CA10: variants seen among roughly 807,000 people sequenced by gnomAD.
CA10 encodes carbonic anhydrase-related protein 10.
Under a neutral mutation model 44.2 loss-of-function variants are expected in CA10, and 14 were observed. The observed-to-expected ratio is 0.32, with a 90% CI of 0.21 to 0.50. The LOEUF is 0.50. Ranked by LOEUF, CA10 falls within the 20% of genes least tolerant of loss-of-function variation. The pLI is 0.99. For missense variants in CA10, 350 were observed against 409.7 expected (o/e 0.85, Z 1.26); for synonymous variants, 159 against 141.6 (o/e 1.12, Z -0.87).
intron 3 of CA10, among the ~76,000 whole-genome samples, chr17:51,869,610 C>A (rs1979713502): frequency 1.3e-5 from 2 of 152,248 alleles, no homozygotes; most frequent in South Asian, 4.1e-4. Context: ...GAATGAGGCA[C>A]GGAGTGAAAG....
chr17:51,996,382 C>T (rs113750577), intron 2 of CA10, among the ~76,000 whole-genome samples: 11 of 151,990 alleles, frequency 7.2e-5, no homozygotes, highest in Non-Finnish European at 1.5e-5. Context: ...CTAGCCTAGA[C>T]AATTACAATC....
chr17:52,036,868 T>C (rs1437243921), intron 2 of CA10, among the ~76,000 whole-genome samples: 2 of 152,174 alleles, frequency 1.3e-5, no homozygotes, highest in African/African-American at 4.8e-5. Context: ...TATCAGAGCA[T>C]GATACATTCA....
chr17:52,143,312 T>A (rs1359105926), intron 1 of CA10, among the ~76,000 whole-genome samples: 1 of 152,124 alleles, frequency 6.6e-6, no homozygotes, highest in African/African-American at 2.4e-5. Flanking sequence ...CCACACACAA[T>A]AATGTGATAT....
intron 2 of CA10, among the ~76,000 whole-genome samples, chr17:51,960,517 T>C (rs1983848731): frequency 6.6e-6 from 1 of 152,132 alleles, no homozygotes; most frequent in Non-Finnish European, 1.5e-5. Context: ...ACAAACACTT[T>C]ACATATAGAA....
chr17:52,080,475 A>AAT (rs1441988796), intron 1 of CA10, among the ~76,000 whole-genome samples: 21 of 148,206 alleles, frequency 1.4e-4, no homozygotes, highest in Non-Finnish European at 3.0e-5. Context: ...TAAATAAATA[A>AAT]ATAAATAAAT....
At chr17:51,761,912 C>T (rs899439399) in intron 3 of CA10, 1 of 152,076 alleles carries the variant, frequency 6.6e-6, no homozygotes, top group Non-Finnish European at 1.5e-5. Flanking sequence ...GAGGTGTGAC[C>T]ATAGAAAAAG....
Position 51,948,622 on chromosome 17 carries a change from C to A in CA10, c.137-17490G>T, listed in dbSNP as rs140121335. 1.2e-3 allele frequency among the ~76,000 whole-genome samples: 186 copies of A among 152,268 alleles called. 5 individuals carry two copies. In the South Asian group the frequency reaches 0.023, roughly 19 times the overall value. The stretch of plus-strand genomic sequence containing the variant: ...TTCCCAGTCCCTTCTCCTTATTCTG[C>A]CGTCCCTGAAGTGGTAGTTGGTTCC... On this transcript the variant is annotated intron_variant, in intron 2 of 8. Coordinates refer to ENST00000451037, the MANE Select transcript of CA10 (RefSeq NM_020178.5).
intron 3 of CA10, among the ~76,000 whole-genome samples, chr17:51,758,018 T>C (rs967350851): frequency 2.0e-5 from 3 of 152,090 alleles, no homozygotes; most frequent in Non-Finnish European, 2.9e-5. Context: ...ATTGGTGGGA[T>C]TGGGTAGGAG....
At chr17:52,040,076 G>A (rs1027748109) in intron 2 of CA10, among the ~76,000 whole-genome samples, 11 of 151,850 alleles carry the variant, frequency 7.2e-5, no homozygotes, top group Admixed American at 7.2e-4. Flanking sequence ...ATCAGTTGGA[G>A]ATGATATAGC....
chr17:51,755,173 C>T (rs1001094710), intron 3 of CA10, among the ~76,000 whole-genome samples: 1 of 152,132 alleles, frequency 6.6e-6, no homozygotes, highest in African/African-American at 2.4e-5. Flanking sequence ...TGTTAAAGAA[C>T]AAGGCAGGTT....
intron 2 of CA10, among the ~76,000 whole-genome samples, chr17:52,036,686 C>T (rs951261511): frequency 1.3e-5 from 2 of 152,152 alleles, no homozygotes; most frequent in South Asian, 2.1e-4. Flanking sequence ...ACCTGAAAAC[C>T]TCAGTGTCTT....
chr17:51,655,189 T>C (rs1318317538), intron 4 of CA10, among the ~76,000 whole-genome samples: 1 of 152,218 alleles, frequency 6.6e-6, no homozygotes, highest in African/African-American at 2.4e-5. Flanking sequence ...CAAATAACTA[T>C]AGAATTCTCA....
intron 3 of CA10, among the ~76,000 whole-genome samples, chr17:51,767,469 T>A (rs757358206): frequency 3.3e-5 from 5 of 152,204 alleles, no homozygotes; most frequent in Admixed American, 6.5e-5. Context: ...ATGTAATCAT[T>A]GTACATTTGT....
intron 4 of CA10, among the ~76,000 whole-genome samples, chr17:51,683,744 G>A (rs1263014125): frequency 6.6e-6 from 1 of 152,160 alleles, no homozygotes; most frequent in Non-Finnish European, 1.5e-5. Flanking sequence ...CCCGGGACAA[G>A]CCACCCACTG....
intron 1 of CA10, among the ~76,000 whole-genome samples, chr17:52,135,661 A>T (rs1989341203): frequency 6.6e-6 from 1 of 152,048 alleles, no homozygotes; most frequent in Non-Finnish European, 1.5e-5. Flanking sequence ...GGGAATGGGC[A>T]CCCTGCAGGC....
intron 2 of CA10, among the ~76,000 whole-genome samples, chr17:51,993,276 A>G (rs1985109037): frequency 6.6e-6 from 1 of 152,100 alleles, no homozygotes; most frequent in Admixed American, 6.6e-5. Context: ...TTATGTATGA[A>G]GCACTGCTGA....
At chr17:51,844,113 G>A (rs766470714) in intron 3 of CA10, among the ~76,000 whole-genome samples, 11 of 152,170 alleles carry the variant, frequency 7.2e-5, no homozygotes, top group South Asian at 2.1e-4. Flanking sequence ...GGAATCACAC[G>A]CAGAATTATT....
At chr17:51,814,434 C>A (rs1018432381) in intron 3 of CA10, among the ~76,000 whole-genome samples, 1 of 152,090 alleles carries the variant, frequency 6.6e-6, no homozygotes, top group African/African-American at 2.4e-5. Context: ...TCAAGATACT[C>A]TATGAAGAAA....
chr17:52,001,282 G>T (rs1185643053), intron 2 of CA10, among the ~76,000 whole-genome samples: 1 of 151,902 alleles, frequency 6.6e-6, no homozygotes, highest in African/African-American at 2.4e-5. Flanking sequence ...TTCACTATCT[G>T]GTCTTTTATA....
Sources: allele counts gnomAD v4.1 joint callset (sites outside exome capture counted in the v4.1 genomes callset), GRCh38; gene constraint gnomAD v4.1.1; transcripts MANE v1.5; gene names NCBI Gene and HGNC (gene_info 2026-07-23, HGNC 2026-07-21).